Variants in VSTM4 observed in about 807,000 individuals in gnomAD.
The protein encoded by VSTM4 is V-set and transmembrane domain containing 4, also known as V-set and transmembrane domain-containing protein 4.
Under a neutral mutation model 36.4 loss-of-function variants are expected in VSTM4, and 20 were observed. The observed-to-expected ratio is 0.55, with a 90% confidence interval of 0.39 to 0.80. The LOEUF (loss-of-function observed/expected upper bound fraction) is 0.80. VSTM4 is among the 30% of genes least tolerant of loss of function. The probability of loss-of-function intolerance (pLI) is 0.00; values close to 1 mark genes in which losing one functional copy is unlikely to be tolerated. For missense variants in VSTM4, 392 were observed against 404.5 expected (o/e 0.97, Z 0.26); for synonymous variants, 182 against 173.9 (o/e 1.05, Z -0.37).
At chr10:49,047,730 C>G (rs565450627) in intron 6 of VSTM4, among the ~76,000 whole-genome samples, 2 of 152,334 alleles carry the variant, frequency 1.3e-5, no homozygotes, top group Non-Finnish European at 2.9e-5. Context: ...TCTTTCCACT[C>G]CATGTGTGCT....
intron 7 of VSTM4, among the ~76,000 whole-genome samples, chr10:49,030,557 T>C (rs1453460763): frequency 1.3e-5 from 2 of 152,162 alleles, no homozygotes; most frequent in South Asian, 4.1e-4. Flanking sequence ...ACTGGAAAAG[T>C]CTGGAGCTCA....
intron 4 of VSTM4, among the ~76,000 whole-genome samples, chr10:49,070,252 CAAA>C (rs780515012): frequency 0.017 from 361 of 21,658 alleles, 17 homozygotes; most frequent in African/African-American, 0.085. Flanking sequence ...GACTCCGTCT[CAAA>C]AAAAAAAAAA....
Position 49,019,784 on chromosome 10 carries a change from G to GA in VSTM4, c.838-10dup, listed in dbSNP as rs923334107. On this transcript the variant is annotated splice_polypyrimidine_tract_variant and intron_variant, in intron 7 of 7. Transcript: ENST00000332853. ...TCCTCAGCAATCTTTGGCTATAAAA[G>GA]AAAAAACAAAACAAAACACAATTCT... 8 of 1,606,826 alleles carry GA rather than the reference G, an allele frequency of 5.0e-6. No homozygotes were observed. In the African/African-American group the frequency reaches 5.4e-5, roughly 11 times the overall value.
chr10:49,085,895 AAAAAAG>A, intron 3 of VSTM4, 54 bp downstream of exon 3: 1 of 1,136,962 alleles, frequency 8.8e-7, no homozygotes, highest in Non-Finnish European at 1.3e-6. Context: ...ATAATTTAAA[AAAAAAG>A]AAAAAGAAAA....
chr10:49,057,095 A>T (rs999832261), intron 5 of VSTM4, among the ~76,000 whole-genome samples: 9 of 152,204 alleles, frequency 5.9e-5, no homozygotes, highest in Non-Finnish European at 1.2e-4. Context: ...CATTCATTAC[A>T]AGGACAGACC....
chr10:49,109,132 C>G (rs976302609), intron 1 of VSTM4, among the ~76,000 whole-genome samples: 4 of 152,220 alleles, frequency 2.6e-5, no homozygotes, highest in Non-Finnish European at 4.4e-5. Flanking sequence ...TCCACCCCCC[C>G]ACACAAGCAG....
chr10:49,056,782 C>T (rs570114350), intron 5 of VSTM4, among the ~76,000 whole-genome samples: 2 of 152,180 alleles, frequency 1.3e-5, no homozygotes, highest in Non-Finnish European at 2.9e-5. Context: ...CATTCTGAGC[C>T]GTCTTTTCTG....
intron 5 of VSTM4, among the ~76,000 whole-genome samples, chr10:49,052,191 A>C (rs898811237): frequency 6.6e-6 from 1 of 152,246 alleles, no homozygotes; most frequent in South Asian, 2.1e-4. Context: ...ACTTACTGTC[A>C]AAATGATTTT....
rs1277720839 is a variant in VSTM4, at chr10:49,020,749, AAGGG to A, written c.838-978_838-975del. ...AGAAGAAGGAAGGAAGGAAGGAAGG[AAGGG>A]AGGGAGGGAGGGAGGGAGGCAGGGA... On this transcript the variant is annotated intron_variant, in intron 7 of 7. Coordinates refer to ENST00000332853, the MANE Select transcript of VSTM4 (RefSeq NM_001031746.5). Among the ~76,000 whole-genome samples, 65 of 135,744 alleles carry A rather than the reference AAGGG, an allele frequency of 4.8e-4. 5 individuals carry two copies. The highest frequency in any genetic ancestry group is 7.3e-4 in the African/African-American group (25 of 34,378). 89.1% of individuals were successfully genotyped at this position (135,744 alleles called of 152,430 possible). A position where few individuals can be genotyped will look rare whatever the true frequency, so the allele number is the denominator to read the frequency against.
rs1843649858 is a variant in VSTM4, at chr10:49,048,544, G to A, written c.709C>T (p.Leu237=). The A allele has an allele frequency of 4.4e-6, 7 of 1,597,764 alleles. No homozygotes were observed. Among genetic ancestry groups the A allele is most frequent in the Non-Finnish European group, 6.0e-6 (7 of 1,173,970 alleles). ...TVTSVTSLAP[L]QPKKGKRQKE... is the part of the protein sequence containing the mutation. ...TGCCTCTTGCCCTTCTTGGGCTGTAGTGGGGCCAAGCTGGTCACGCTAGTG... is the reference window on the plus strand; with the variant it reads ...TGCCTCTTGCCCTTCTTGGGCTGTAATGGGGCCAAGCTGGTCACGCTAGTG... Residue 237 remains leucine (L), a synonymous_variant, in exon 6 of 8, where the codon CTA becomes TTA. Coordinates refer to ENST00000332853, the MANE Select transcript of VSTM4 (RefSeq NM_001031746.5).
chr10:49,082,530 C>T (rs1042213390), intron 3 of VSTM4, among the ~76,000 whole-genome samples: 2 of 152,058 alleles, frequency 1.3e-5, no homozygotes, highest in Non-Finnish European at 2.9e-5. Flanking sequence ...CAAAAATTAG[C>T]CAGGTGTGGT....
intron 4 of VSTM4, among the ~76,000 whole-genome samples, chr10:49,074,265 G>T (rs756569632): frequency 8.5e-5 from 13 of 152,058 alleles, no homozygotes; most frequent in Non-Finnish European, 1.6e-4. Flanking sequence ...GATTTGAGGG[G>T]GTACACATAG....
At chr10:49,048,405 A>C in intron 6 of VSTM4, 73 bp downstream of exon 6, 1 of 1,372,058 alleles carries the variant, frequency 7.3e-7, no homozygotes. Flanking sequence ...GTCATAATCC[A>C]ACATGGAACC....
At chr10:49,102,774 T>C in intron 2 of VSTM4, 2 of 985,172 alleles carry the variant, frequency 2.0e-6, no homozygotes, top group African/African-American at 1.7e-5. Flanking sequence ...ATTTTATTCA[T>C]TCATCAAGTA....
intron 4 of VSTM4, among the ~76,000 whole-genome samples, chr10:49,069,630 A>G (rs186683979): frequency 6.6e-6 from 1 of 152,324 alleles, no homozygotes; most frequent in East Asian, 1.9e-4. Flanking sequence ...GTCAGGCCCC[A>G]GAGCCCAGCC....
chr10:49,096,977 G>A (rs1009207713), intron 2 of VSTM4, among the ~76,000 whole-genome samples: 3 of 151,950 alleles, frequency 2.0e-5, no homozygotes, highest in African/African-American at 7.3e-5. Flanking sequence ...TTGAAGTCTT[G>A]GGGATCAAAG....
chr10:49,047,862 C>T (rs1170938891), intron 6 of VSTM4, among the ~76,000 whole-genome samples: 1 of 152,210 alleles, frequency 6.6e-6, no homozygotes, highest in East Asian at 1.9e-4. Flanking sequence ...AACTACATTT[C>T]AAATTTGCTA....
intron 5 of VSTM4, among the ~76,000 whole-genome samples, chr10:49,058,772 C>T (rs983170671): frequency 3.3e-5 from 5 of 152,242 alleles, no homozygotes; most frequent in African/African-American, 1.2e-4. Context: ...AGAGCCAGCA[C>T]ATGGTCTCTT....
intron 4 of VSTM4, among the ~76,000 whole-genome samples, chr10:49,074,208 T>C (rs1206267899): frequency 3.3e-5 from 5 of 152,270 alleles, no homozygotes; most frequent in Non-Finnish European, 5.9e-5. Flanking sequence ...CAGTGTGCTA[T>C]AAATTGCTTT....
Sources: allele counts gnomAD v4.1 joint callset (sites outside exome capture counted in the v4.1 genomes callset), GRCh38; gene constraint gnomAD v4.1.1; transcripts MANE v1.5; gene names NCBI Gene and HGNC (gene_info 2026-07-23, HGNC 2026-07-21).